Variants in TBC1D12 observed in about 807,000 individuals in gnomAD.
TBC1D12 encodes TBC1 domain family, member 12.
TBC1D12 carries 56 observed loss-of-function variants against 86.7 expected under a neutral mutation model. The observed-to-expected ratio is 0.65, with a 90% CI of 0.52 to 0.81. The LOEUF (loss-of-function observed/expected upper bound fraction) is 0.81, where lower values mean the gene tolerates loss of function less well. Among genes scored for constraint, TBC1D12 ranks in the 30% least tolerant of loss-of-function variants. TBC1D12 has a pLI of 0.00. For missense variants in TBC1D12, 1,023 were observed against 1,038.8 expected (o/e 0.98, Z 0.21); for synonymous variants, 421 against 411.7 (o/e 1.02, Z -0.27).
At chr10:94,421,192 C>T (rs554585265) in intron 1 of TBC1D12, among the ~76,000 whole-genome samples, 126 of 152,244 alleles carry the variant, frequency 8.3e-4, no homozygotes, top group African/African-American at 2.8e-3. Flanking sequence ...CCTGTGACCA[C>T]CCCCTGGCCT....
In TBC1D12 at chr10:94,531,192, C is replaced by T. The variant is rs1460146755; in HGVS notation, c.2001-10C>T. ...AAAATTTCAGTGACCATTTTTCCCTCTAATTTTAGGATCTTCACACTATAT... is the reference window on the plus strand; with the variant it reads ...AAAATTTCAGTGACCATTTTTCCCTTTAATTTTAGGATCTTCACACTATAT... On this transcript the variant is annotated splice_polypyrimidine_tract_variant and intron_variant, in intron 11 of 12. Transcript: ENST00000225235. 1.9e-6 allele frequency: 3 copies of T among 1,594,140 alleles called. No individual in the cohort carries two copies. The highest frequency in any genetic ancestry group is 1.7e-5 in the Admixed American group (1 of 57,752).
intron 11 of TBC1D12, among the ~76,000 whole-genome samples, chr10:94,523,001 C>T (rs1430263807): frequency 7.2e-6 from 1 of 138,714 alleles, no homozygotes; most frequent in Non-Finnish European, 1.5e-5. Context: ...GCCAAGATTG[C>T]GATACTGCAC....
chr10:94,408,715 C>A (rs954021244), intron 1 of TBC1D12, among the ~76,000 whole-genome samples: 1 of 152,070 alleles, frequency 6.6e-6, no homozygotes, highest in Non-Finnish European at 1.5e-5. Flanking sequence ...AGTGCCTCCA[C>A]CAGTCAACTA....
chr10:94,433,700 T>A (rs1345255725), intron 1 of TBC1D12, among the ~76,000 whole-genome samples: 1 of 152,232 alleles, frequency 6.6e-6, no homozygotes, highest in Non-Finnish European at 1.5e-5. Flanking sequence ...AACTTCATCT[T>A]ATATTTGTGG....
At chr10:94,511,478 A>G (rs966595200) in intron 8 of TBC1D12, 105 bp from the exon 9 acceptor site, 5 of 760,894 alleles carry the variant, frequency 6.6e-6, no homozygotes, top group Admixed American at 2.3e-5. Context: ...TAAATATGCT[A>G]AAACTAGTCA....
At chr10:94,503,844 C>T (rs910182949) in intron 6 of TBC1D12, among the ~76,000 whole-genome samples, 19 of 152,226 alleles carry the variant, frequency 1.2e-4, no homozygotes, top group African/African-American at 4.3e-4. Context: ...AGGCTGGTCT[C>T]GAACTCTTGA....
chr10:94,516,365 CAA>C (rs2056591429), intron 9 of TBC1D12, among the ~76,000 whole-genome samples: 2 of 151,536 alleles, frequency 1.3e-5, no homozygotes, highest in African/African-American at 2.4e-5. Context: ...ATGAAAAAAA[CAA>C]AACAAATTTA....
At chr10:94,484,135 G>C (rs1005229994) in intron 3 of TBC1D12, among the ~76,000 whole-genome samples, 12 of 151,840 alleles carry the variant, frequency 7.9e-5, no homozygotes, top group African/African-American at 2.9e-4. Flanking sequence ...CTGTTCCATT[G>C]GTTTATGTGT....
chr10:94,471,791 T>A lies in TBC1D12; in HGVS notation c.1096-2877T>A, dbSNP rs1328182367. 2.0e-5 allele frequency among the ~76,000 whole-genome samples: 3 copies of A among 152,222 alleles called. No homozygotes were observed. In the East Asian group the frequency reaches 5.8e-4, roughly 29 times the overall value. ...AAAAGCCCTTCATTTCTAGTCTCACTCTCCGGAGGAGAACCTCTTAATACT... is the reference window on the plus strand; with the variant it reads ...AAAAGCCCTTCATTTCTAGTCTCACACTCCGGAGGAGAACCTCTTAATACT... On this transcript the variant is annotated intron_variant, in intron 2 of 12. Coordinates refer to ENST00000225235, the MANE Select transcript of TBC1D12 (RefSeq NM_015188.2).
intron 9 of TBC1D12, among the ~76,000 whole-genome samples, chr10:94,516,659 C>T (rs1020529003): frequency 5.5e-5 from 8 of 146,444 alleles, no homozygotes; most frequent in Non-Finnish European, 1.2e-4. Context: ...TGAGTGAGAA[C>T]ATGCAGTGTT....
At position 94,402,797 on chromosome 10, in the gene TBC1D12, G is replaced by A. The variant is rs1402643504; in HGVS notation, c.184G>A (p.Glu62Lys). 13 of 1,542,336 alleles carry A rather than the reference G, an allele frequency of 8.4e-6. No homozygotes were observed. The East Asian group carries it at 2.5e-4, about 29-fold the overall frequency. The change falls in exon 1 of 13, where the codon GAG (glutamate) becomes AAG (lysine). Residue 62 changes from glutamate to lysine, a missense_variant. Glu to Lys is a moderately conservative substitution (Grantham distance 56). Around this residue, in one of 2 missense-constraint regions of TBC1D12, gnomAD observed 628 missense variants for 531.1 expected, o/e 1.18. Transcript: ENST00000225235. ...ADEEEEADEE[E>K]ETPPRQLLQR... ...CGAGGAGGAGGAGGCTGACGAGGAG[G>A]AGGAGACGCCGCCTCGGCAGCTCCT...
chr10:94,439,413 T>C (rs1001528778), intron 1 of TBC1D12, among the ~76,000 whole-genome samples: 4 of 152,176 alleles, frequency 2.6e-5, no homozygotes, highest in African/African-American at 9.7e-5. Context: ...CTGTCTGGCC[T>C]GTGTGGGGCT....
At position 94,403,601 on chromosome 10, in the gene TBC1D12, A is replaced by G. The variant is rs2054804293; in HGVS notation, c.971+17A>G. The G allele has an allele frequency of 2.1e-6, 3 of 1,431,018 alleles. No individual in the cohort carries two copies. The highest frequency in any genetic ancestry group is 2.7e-6 in the Non-Finnish European group (3 of 1,099,328). The allele number at this position is 1,431,018 out of a possible 1,614,324, so 88.6% of individuals were successfully genotyped here. On this transcript the variant is annotated intron_variant, in intron 1 of 12. Transcript: ENST00000225235. ...CTTCACCAGGTACAGCGCAGGCTGCATGGGACTCGGGGCGGGTCCGGGGCC... is the reference window on the plus strand; with the variant it reads ...CTTCACCAGGTACAGCGCAGGCTGCGTGGGACTCGGGGCGGGTCCGGGGCC...
chr10:94,521,282 T>C (rs180829469), intron 9 of TBC1D12, among the ~76,000 whole-genome samples: 1 of 149,230 alleles, frequency 6.7e-6, no homozygotes, highest in East Asian at 2.0e-4. Flanking sequence ...TGCCAATAAC[T>C]TACAAGCAAG....
intron 1 of TBC1D12, among the ~76,000 whole-genome samples, chr10:94,413,715 C>G (rs2054958040): frequency 1.3e-5 from 2 of 151,258 alleles, no homozygotes; most frequent in Admixed American, 1.3e-4. Context: ...GTGTTTAACT[C>G]ATCTTTGAAT....
intron 2 of TBC1D12, among the ~76,000 whole-genome samples, chr10:94,469,656 G>T (rs1319886519): frequency 6.6e-6 from 1 of 151,930 alleles, no homozygotes; most frequent in Admixed American, 6.6e-5. Context: ...CAGCATGCTG[G>T]CCAGGCTGGT....
chr10:94,403,543 C>T lies in TBC1D12; in HGVS notation c.930C>T (p.Ala310=), dbSNP rs1327199040. 1.5e-5 allele frequency: 22 copies of T among 1,508,840 alleles called. No individual in the cohort carries two copies. The highest frequency in any genetic ancestry group is 1.9e-5 in the Non-Finnish European group (22 of 1,139,308). 93.5% of individuals were successfully genotyped at this position (1,508,840 alleles called of 1,614,324 possible). A position where few individuals can be genotyped will look rare whatever the true frequency, so the allele number is the denominator to read the frequency against. Residue 310 remains alanine, a synonymous_variant, in exon 1 of 13, where the codon GCC becomes GCT. Transcript: ENST00000225235. ...AAEQGPAGAS[A]RARRSGGFAD... ...AGCAGGGTCCTGCGGGGGCTTCGGC[C>T]CGGGCTCGACGGAGTGGCGGCTTCG...
chr10:94,485,075 G>T (rs1249256109), intron 3 of TBC1D12, among the ~76,000 whole-genome samples: 1 of 152,044 alleles, frequency 6.6e-6, no homozygotes, highest in Admixed American at 6.6e-5. Flanking sequence ...TTACAATTTG[G>T]ATACCCTTTA....
At chr10:94,465,732 A>G (rs1390973453) in intron 2 of TBC1D12, among the ~76,000 whole-genome samples, 1 of 150,210 alleles carries the variant, frequency 6.7e-6, no homozygotes, top group Non-Finnish European at 1.5e-5. Flanking sequence ...ACATACATAC[A>G]TACGTATACA....
Sources: gnomAD v4.1 joint callset for allele counts (sites outside exome capture counted in the v4.1 genomes callset) on GRCh38, gnomAD v4.1.1 for gene constraint, gnomAD v4.1.1 regional missense constraint, MANE v1.5 for transcripts, NCBI Gene and HGNC (gene_info 2026-07-23, HGNC 2026-07-21) for gene names.